CDH12: variants seen among roughly 807,000 people sequenced by gnomAD.
CDH12 encodes the protein cadherin-12.
Under a neutral mutation model 74.1 loss-of-function variants are expected in CDH12, and 41 were observed. The ratio of observed to expected loss-of-function variants is 0.55; its 90% CI spans 0.43 to 0.72. The LOEUF (loss-of-function observed/expected upper bound fraction) is 0.72, where lower values mean the gene tolerates loss of function less well. Among genes scored for constraint, CDH12 ranks in the 30% least tolerant of loss-of-function variants. The probability of loss-of-function intolerance (pLI) is 0.00; values close to 1 mark genes in which losing one functional copy is unlikely to be tolerated. For synonymous variants in CDH12, 399 were observed against 355.0 expected, an observed-to-expected ratio of 1.12 and a Z score of -1.39; for missense variants, 945 against 977.2, an observed-to-expected ratio of 0.97 and a Z score of 0.44.
intron 6 of CDH12, among the ~76,000 whole-genome samples, chr5:21,915,037 C>G (rs1444841583): frequency 6.6e-6 from 1 of 152,152 alleles, no homozygotes; most frequent in Admixed American, 6.5e-5. Context: ...GAGAATGAAC[C>G]AAGGCAGAAA....
rs1463641895 is a variant in CDH12 at position 22,190,087 on chromosome 5, C to T, written c.-187+22411G>A. 4.6e-5 allele frequency among the ~76,000 whole-genome samples: 7 copies of T among 152,018 alleles called. No homozygotes were observed. The South Asian group carries it at 8.3e-4, about 18-fold the overall frequency. On this transcript the variant is annotated intron_variant, in intron 4 of 14. Coordinates refer to ENST00000382254, the MANE Select transcript of CDH12 (RefSeq NM_004061.5). ...AATTAAGATTTGAATAATTAGATAACGGACATGATTACTTTTGTAATTAAT... is the reference window on the plus strand; with the variant it reads ...AATTAAGATTTGAATAATTAGATAATGGACATGATTACTTTTGTAATTAAT...
At chr5:22,471,075 T>C (rs142162615) in intron 2 of CDH12, among the ~76,000 whole-genome samples, 264 of 145,106 alleles carry the variant, frequency 1.8e-3, no homozygotes, top group African/African-American at 6.5e-3. Flanking sequence ...TCCACAACTC[T>C]TTTCTTGTCA....
chr5:21,908,884 C>T (rs1753749761), intron 6 of CDH12, among the ~76,000 whole-genome samples: 1 of 152,072 alleles, frequency 6.6e-6, no homozygotes, highest in East Asian at 1.9e-4. Context: ...GTGAGATCTT[C>T]CCCAACTTGA....
intron 6 of CDH12, among the ~76,000 whole-genome samples, chr5:21,923,848 A>C (rs968341507): frequency 3.3e-5 from 5 of 152,180 alleles, no homozygotes; most frequent in African/African-American, 9.7e-5. Context: ...GTTTTTTAAA[A>C]TCGCCATTGA....
chr5:21,945,227 C>T (rs1755516566), intron 6 of CDH12, among the ~76,000 whole-genome samples: 2 of 151,708 alleles, frequency 1.3e-5, no homozygotes, highest in South Asian at 2.1e-4. Flanking sequence ...GAGTTCAAGA[C>T]CATCCTGTCC....
chr5:22,580,847 C>T, intron 1 of CDH12: 1 of 173,818 alleles, frequency 5.8e-6, no homozygotes, highest in East Asian at 1.6e-4. Context: ...TATGTTTTAG[C>T]AAAGAGACTG....
intron 3 of CDH12, among the ~76,000 whole-genome samples, chr5:22,299,199 C>T (rs773735015): frequency 2.0e-5 from 3 of 151,746 alleles, no homozygotes; most frequent in Non-Finnish European, 2.9e-5. Context: ...ATAGGTTAGC[C>T]GTAAAGTAAG....
chr5:22,742,304 A>C (rs1291168774), intron 1 of CDH12, among the ~76,000 whole-genome samples: 4 of 152,158 alleles, frequency 2.6e-5, no homozygotes, highest in Non-Finnish European at 5.9e-5. Context: ...TTGTCACTGC[A>C]ATCAAGATCC....
intron 5 of CDH12, among the ~76,000 whole-genome samples, chr5:21,975,856 A>C (rs975876129): frequency 4.6e-5 from 7 of 152,126 alleles, no homozygotes; most frequent in Admixed American, 3.9e-4. Context: ...TGAAATGCAC[A>C]AAACTTCAGT....
intron 6 of CDH12, among the ~76,000 whole-genome samples, chr5:21,868,144 G>A (rs72494167): frequency 0.011 from 1,583 of 139,806 alleles, 14 homozygotes; most frequent in African/African-American, 0.034. Context: ...GGAACTGTGA[G>A]TCCAATTAAA....
chr5:22,746,036 T>C (rs990631534), intron 1 of CDH12, among the ~76,000 whole-genome samples: 9 of 152,228 alleles, frequency 5.9e-5, no homozygotes, highest in Non-Finnish European at 1.5e-5. Flanking sequence ...ATGTGAGATA[T>C]AATAATAGGT....
rs1189646425 is a variant in CDH12 at position 21,842,145 on chromosome 5, A to C, written c.814+16T>G. The C allele has an allele frequency of 6.3e-7, 1 of 1,593,316 alleles. No individual in the cohort carries two copies. Among genetic ancestry groups the C allele is most frequent in the African/African-American group, 1.3e-5 (1 of 74,088 alleles). On this transcript the variant is annotated intron_variant, in intron 8 of 14. Transcript: ENST00000382254. ...TAAACCGCAATAATTTAGGCTTAACAGGAAAGGTGACATACTTTTGGGGAA... is the reference window on the plus strand; with the variant it reads ...TAAACCGCAATAATTTAGGCTTAACCGGAAAGGTGACATACTTTTGGGGAA...
intron 4 of CDH12, among the ~76,000 whole-genome samples, chr5:22,172,989 C>T (rs1274095972): frequency 6.6e-6 from 1 of 151,428 alleles, no homozygotes; most frequent in Non-Finnish European, 1.5e-5. Flanking sequence ...GAACCAATGA[C>T]ATTTTTGTCT....
chr5:22,409,993 T>C (rs1743109984), intron 2 of CDH12, among the ~76,000 whole-genome samples: 1 of 152,106 alleles, frequency 6.6e-6, no homozygotes, highest in African/African-American at 2.4e-5. Context: ...ATGATGATAA[T>C]ACAAATTATT....
At chr5:22,333,179 A>G (rs1042232917) in intron 3 of CDH12, among the ~76,000 whole-genome samples, 1 of 152,200 alleles carries the variant, frequency 6.6e-6, no homozygotes, top group Non-Finnish European at 1.5e-5. Context: ...ACATGGATAA[A>G]GCTGGAAGCC....
intron 4 of CDH12, among the ~76,000 whole-genome samples, chr5:22,131,069 T>C (rs1746154237): frequency 6.6e-6 from 1 of 152,114 alleles, no homozygotes; most frequent in South Asian, 2.1e-4. Context: ...GTTCATTGAA[T>C]TTATCCATTT....
At chr5:21,772,634 C>T (rs555201274) in intron 11 of CDH12, among the ~76,000 whole-genome samples, 54 of 152,260 alleles carry the variant, frequency 3.5e-4, no homozygotes, top group Admixed American at 2.0e-3. Flanking sequence ...TAAGTATCAT[C>T]ATATACTATA....
At chr5:22,532,146 C>A (rs1013413532) in intron 1 of CDH12, among the ~76,000 whole-genome samples, 3 of 151,132 alleles carry the variant, frequency 2.0e-5, no homozygotes, top group African/African-American at 7.3e-5. Flanking sequence ...GATGTGTACT[C>A]AAACACAGCC....
rs551932672 is a variant in CDH12 at position 22,394,053 on chromosome 5, C to T, written c.-333+11204G>A. Among the ~76,000 whole-genome samples the T allele has an allele frequency of 4.6e-5, 7 of 152,144 alleles. No individual in the cohort carries two copies. The South Asian group carries it at 1.5e-3, about 32-fold the overall frequency. ...AAAAAGCAACCAGCATTTGATGACT[C>T]AAGAGGTTCTAAGCCTGTACAAATT... On this transcript the variant is annotated intron_variant, in intron 3 of 14. Transcript: ENST00000382254.
Sources: allele counts gnomAD v4.1 joint callset (sites outside exome capture counted in the v4.1 genomes callset), GRCh38; gene constraint gnomAD v4.1.1; transcripts MANE v1.5; gene names NCBI Gene and HGNC (gene_info 2026-07-23, HGNC 2026-07-21).